Variants in RCSD1 observed in about 807,000 individuals in gnomAD.
RCSD1 encodes RCSD domain containing 1.
RCSD1 carries 26 observed loss-of-function variants against 42.5 expected under a neutral mutation model. The observed-to-expected ratio is 0.61, with a 90% CI of 0.45 to 0.85. The LOEUF (loss-of-function observed/expected upper bound fraction) is 0.85. RCSD1 is among the 40% of genes least tolerant of loss of function. RCSD1 has a pLI of 0.00. For synonymous variants in RCSD1, 220 were observed against 212.2 expected (o/e 1.04, Z -0.32); for missense variants, 571 against 528.3 (o/e 1.08, Z -0.79).
At chr1:167,701,640 A>G (rs1257505636) in intron 6 of RCSD1, among the ~76,000 whole-genome samples, 3 of 152,096 alleles carry the variant, frequency 2.0e-5, no homozygotes. Flanking sequence ...AGGCTCCAAG[A>G]GAGGACAGGA....
At position 167,702,826 on chromosome 1, in the gene RCSD1, T is replaced by C. The variant is rs181847724; in HGVS notation, c.1219-1838T>C. Among the ~76,000 whole-genome samples, 19 of 152,314 alleles carry C rather than the reference T, an allele frequency of 1.2e-4. No individual in the cohort carries two copies. In the East Asian group the frequency reaches 3.7e-3, roughly 29 times the overall value. On this transcript the variant is annotated intron_variant, in intron 6 of 6. Coordinates refer to ENST00000367854, the MANE Select transcript of RCSD1 (RefSeq NM_052862.4). ...ACATAAATACATAAATAAAAATTTA[T>C]CAAGTGTTTCTCAAACACTCATTAT...
intron 1 of RCSD1, among the ~76,000 whole-genome samples, chr1:167,648,224 C>T (rs889847999): frequency 6.6e-6 from 1 of 152,178 alleles, no homozygotes; most frequent in Non-Finnish European, 1.5e-5. Context: ...AATCATTTTT[C>T]TATTTTGGAA....
chr1:167,672,098 T>A (rs1658825363), intron 1 of RCSD1, among the ~76,000 whole-genome samples: 1 of 152,174 alleles, frequency 6.6e-6, no homozygotes, highest in Non-Finnish European at 1.5e-5. Flanking sequence ...CACCTCCTGC[T>A]CAGAAGGCCT....
chr1:167,701,319 T>TC (rs1553252220), intron 6 of RCSD1, among the ~76,000 whole-genome samples: 11,747 of 129,980 alleles, frequency 0.09, 496 homozygotes, highest in Non-Finnish European at 0.11. Flanking sequence ...TTTCTTTCTT[T>TC]TTTTTAGATG....
intron 1 of RCSD1, among the ~76,000 whole-genome samples, chr1:167,661,306 C>T (rs967159074): frequency 1.3e-5 from 2 of 152,198 alleles, no homozygotes; most frequent in African/African-American, 4.8e-5. Flanking sequence ...CTAGACCCTG[C>T]ACTTCTAACT....
intron 1 of RCSD1, among the ~76,000 whole-genome samples, chr1:167,631,020 G>A (rs1171466052): frequency 6.6e-6 from 1 of 152,192 alleles, no homozygotes; most frequent in African/African-American, 2.4e-5. Flanking sequence ...TTACTGGTCA[G>A]TCGAATGACA....
intron 6 of RCSD1, among the ~76,000 whole-genome samples, chr1:167,704,151 T>C (rs1343807606): frequency 6.6e-6 from 1 of 152,156 alleles, no homozygotes; most frequent in East Asian, 1.9e-4. Flanking sequence ...GCTACTTTAC[T>C]GTCCTTTTAC....
rs1370704029 is a variant in RCSD1 at position 167,694,138 on chromosome 1, G to T, written c.310G>T (p.Ala104Ser). ...TGACCCAGCTGCTCTACTGCCTGGG[G>T]CCTCACCCAAGAGTCCTGGACTCAA... ...TFDPAALLPG[A>S]SPKSPGLKAM... is the part of the protein sequence containing the mutation. Residue 104 changes from alanine to serine, a missense_variant, in exon 5 of 7, where the codon GCC (alanine) becomes TCC (serine). Coordinates refer to ENST00000367854, the MANE Select transcript of RCSD1 (RefSeq NM_052862.4). 1.9e-6 allele frequency: 3 copies of T among 1,614,062 alleles called. No homozygotes were observed. Among genetic ancestry groups the T allele is most frequent in the African/African-American group, 2.7e-5 (2 of 74,918 alleles).
chr1:167,659,459 A>G (rs1301154560), intron 1 of RCSD1, among the ~76,000 whole-genome samples: 5 of 152,118 alleles, frequency 3.3e-5, no homozygotes, highest in African/African-American at 1.2e-4. Context: ...TCCCTTAGTT[A>G]AAAAAGGGAA....
rs114370976 is a variant in RCSD1, at chr1:167,644,914, G to A, written c.6+14485G>A. ...CAATAAGGGTATTCTGATTTCTCAC[G>A]TGGTCACATTACTTGTATTACAAAG... On this transcript the variant is annotated intron_variant, in intron 1 of 6. Coordinates refer to ENST00000367854, the MANE Select transcript of RCSD1 (RefSeq NM_052862.4). Among the ~76,000 whole-genome samples the A allele has an allele frequency of 5.5e-3, 838 of 152,292 alleles. 7 individuals carry two copies. Among genetic ancestry groups the A allele is most frequent in the African/African-American group, 0.018 (753 of 41,556 alleles).
chr1:167,660,221 A>C (rs1002991744), intron 1 of RCSD1, among the ~76,000 whole-genome samples: 2 of 152,240 alleles, frequency 1.3e-5, no homozygotes, highest in African/African-American at 4.8e-5. Context: ...GAGGCCCCTG[A>C]TGCTTACAGA....
At chr1:167,651,065 C>T (rs2102206682) in intron 1 of RCSD1, among the ~76,000 whole-genome samples, 1 of 152,272 alleles carries the variant, frequency 6.6e-6, no homozygotes, top group African/African-American at 2.4e-5. Flanking sequence ...TCTGTGTCCT[C>T]ATCTCTTCTC....
At chr1:167,700,555 G>T (rs1375236281) in intron 6 of RCSD1, among the ~76,000 whole-genome samples, 1 of 151,940 alleles carries the variant, frequency 6.6e-6, no homozygotes, top group Non-Finnish European at 1.5e-5. Context: ...GGAGGCTGAG[G>T]CAGGAGAATG....
chr1:167,651,378 T>C (rs1174378959), intron 1 of RCSD1, among the ~76,000 whole-genome samples: 1 of 152,206 alleles, frequency 6.6e-6, no homozygotes, highest in African/African-American at 2.4e-5. Flanking sequence ...TTTCCCTTCA[T>C]GCCTGGCTCC....
rs145987550 is a variant in RCSD1, at chr1:167,671,375, T to C, written c.7-12525T>C. On this transcript the variant is annotated intron_variant, in intron 1 of 6. Coordinates refer to ENST00000367854, the MANE Select transcript of RCSD1 (RefSeq NM_052862.4). ...AATCAAGGATTTGAGATCCTGATCCTCACAGTCCTTTCAGCCATCCCATTG... is the reference window on the plus strand; with the variant it reads ...AATCAAGGATTTGAGATCCTGATCCCCACAGTCCTTTCAGCCATCCCATTG... Among the ~76,000 whole-genome samples, 579 of 152,336 alleles carry C rather than the reference T, an allele frequency of 3.8e-3. 5 individuals carry two copies. The highest frequency in any genetic ancestry group is 0.017 in the Middle Eastern group (5 of 294).
At chr1:167,687,518 G>A (rs1185233963) in intron 3 of RCSD1, among the ~76,000 whole-genome samples, 2 of 139,520 alleles carry the variant, frequency 1.4e-5, no homozygotes, top group Non-Finnish European at 1.5e-5. Context: ...GCAAGACTCC[G>A]TCTCAAAAAA....
chr1:167,651,349 T>TGGA lies in RCSD1; in HGVS notation c.6+20922_6+20924dup, dbSNP rs1418198831. On this transcript the variant is annotated intron_variant, in intron 1 of 6. Coordinates refer to ENST00000367854, the MANE Select transcript of RCSD1 (RefSeq NM_052862.4). ...CAGGCTCTGAACACCCGATCTGTAC[T>TGGA]GGAGTTCTGGGTCCCACCTTTCCCT... 4.6e-5 allele frequency among the ~76,000 whole-genome samples: 7 copies of TGGA among 152,202 alleles called. No individual in the cohort carries two copies. In the East Asian group the frequency reaches 5.8e-4, roughly 13 times the overall value.
chr1:167,666,217 A>G (rs1446509555), intron 1 of RCSD1, among the ~76,000 whole-genome samples: 1 of 152,168 alleles, frequency 6.6e-6, no homozygotes, highest in Non-Finnish European at 1.5e-5. Flanking sequence ...CCAACTGAGC[A>G]TGGGTTCCAG....
chr1:167,658,601 T>TC (rs200581324), intron 1 of RCSD1, among the ~76,000 whole-genome samples: 1 of 152,036 alleles, frequency 6.6e-6, no homozygotes, highest in Non-Finnish European at 1.5e-5. Flanking sequence ...AATTTTTTTT[T>TC]TCTTTTTTTT....
Sources: allele counts gnomAD v4.1 joint callset (sites outside exome capture counted in the v4.1 genomes callset), GRCh38; gene constraint gnomAD v4.1.1; transcripts MANE v1.5; gene names NCBI Gene and HGNC (gene_info 2026-07-23, HGNC 2026-07-21).